VWC2L: variants seen among roughly 807,000 people sequenced by gnomAD.
The protein encoded by VWC2L is von Willebrand factor C domain-containing protein 2-like.
VWC2L carries 10 observed loss-of-function variants against 21.6 expected under a neutral mutation model. The observed-to-expected ratio is 0.46, with a 90% CI of 0.29 to 0.78. The LOEUF (loss-of-function observed/expected upper bound fraction) is 0.78. Among genes scored for constraint, VWC2L ranks in the 30% least tolerant of loss-of-function variants. The probability of loss-of-function intolerance (pLI) is 0.10; values close to 1 mark genes in which losing one functional copy is unlikely to be tolerated. For synonymous variants in VWC2L, 96 were observed against 94.3 expected, an observed-to-expected ratio of 1.02 and a Z score of -0.10; for missense variants, 209 against 277.1, an observed-to-expected ratio of 0.75 and a Z score of 1.74.
At position 214,414,115 on chromosome 2, in the gene VWC2L, C is replaced by T; in HGVS notation, c.-79C>T. 1 of 1,429,874 alleles carries T rather than the reference C, an allele frequency of 7.0e-7. No individual in the cohort carries two copies. The highest frequency in any genetic ancestry group is 9.5e-7 in the Non-Finnish European group (1 of 1,056,716). 88.6% of individuals were successfully genotyped at this position (1,429,874 alleles called of 1,614,324 possible). On this transcript the variant is annotated splice_region_variant and 5_prime_UTR_variant, in exon 2 of 4. Transcript: ENST00000312504. Reference sequence around the variant, plus strand: ...TTCTTTTTAAATATTTATTTTCAGCCTACCCCTCTTGTATTCCCATGGAAG... The same window carrying T: ...TTCTTTTTAAATATTTATTTTCAGCTTACCCCTCTTGTATTCCCATGGAAG...
intron 3 of VWC2L, among the ~76,000 whole-genome samples, chr2:214,551,278 A>C (rs1689790328): frequency 6.6e-6 from 1 of 152,238 alleles, no homozygotes; most frequent in Non-Finnish European, 1.5e-5. Context: ...GATAGGAAAG[A>C]ATATCGTTCT....
intron 2 of VWC2L, among the ~76,000 whole-genome samples, chr2:214,418,097 C>A (rs1277912134): frequency 6.6e-6 from 1 of 152,122 alleles, no homozygotes; most frequent in Non-Finnish European, 1.5e-5. Context: ...TACTGGACCA[C>A]TTCAAGGCTC....
At chr2:214,522,168 G>A (rs1689251234) in intron 3 of VWC2L, among the ~76,000 whole-genome samples, 1 of 152,088 alleles carries the variant, frequency 6.6e-6, no homozygotes, top group South Asian at 2.1e-4. Flanking sequence ...GAGGTCAGGA[G>A]ATCAAGACCA....
chr2:214,563,574 A>AAAAAAAAAAAAAAAAAAAAAAAAC (rs1690012447), intron 3 of VWC2L, among the ~76,000 whole-genome samples: 1 of 137,760 alleles, frequency 7.3e-6, no homozygotes, highest in Non-Finnish European at 1.6e-5. Context: ...AAAAAAAAAA[A>AAAAAAAAAAAAAAAAAAAAAAAAC]AAAAAAATCA....
intron 3 of VWC2L, among the ~76,000 whole-genome samples, chr2:214,567,966 G>A (rs1032738899): frequency 6.6e-6 from 1 of 152,152 alleles, no homozygotes; most frequent in African/African-American, 2.4e-5. Context: ...CTTCCTACAA[G>A]AGAAAACTGG....
At chr2:214,536,009 T>C (rs1689522819) in intron 3 of VWC2L, among the ~76,000 whole-genome samples, 1 of 152,074 alleles carries the variant, frequency 6.6e-6, no homozygotes, top group African/African-American at 2.4e-5. Flanking sequence ...CCACATCTCT[T>C]TTTGGCACAG....
At chr2:214,429,548 T>C (rs918913073) in intron 2 of VWC2L, among the ~76,000 whole-genome samples, 1 of 151,912 alleles carries the variant, frequency 6.6e-6, no homozygotes, top group African/African-American at 2.4e-5. Context: ...GTGCCTACTT[T>C]AAAAAAAATA....
chr2:214,562,686 T>C (rs1365533583), intron 3 of VWC2L, among the ~76,000 whole-genome samples: 1 of 152,246 alleles, frequency 6.6e-6, no homozygotes, highest in Non-Finnish European at 1.5e-5. Flanking sequence ...CTGACTGGCA[T>C]GAGATGGTTG....
chr2:214,415,054 T>C (rs1559283478), intron 2 of VWC2L: 1 of 158,814 alleles, frequency 6.3e-6, no homozygotes. Context: ...TTAGCTGTGG[T>C]CCTCATATTA....
At chr2:214,573,229 CTACACA>C (rs1306521986) in intron 3 of VWC2L, among the ~76,000 whole-genome samples, 4 of 152,084 alleles carry the variant, frequency 2.6e-5, no homozygotes, top group East Asian at 1.9e-4. Context: ...TAGCATGTCT[CTACACA>C]TACACATACA....
intron 3 of VWC2L, among the ~76,000 whole-genome samples, chr2:214,462,690 T>C (rs978359657): frequency 1.3e-5 from 2 of 152,186 alleles, no homozygotes; most frequent in Admixed American, 1.3e-4. Flanking sequence ...TACTTTGGGT[T>C]TAATTTCCTC....
At chr2:214,478,953 G>T (rs1383486154) in intron 3 of VWC2L, among the ~76,000 whole-genome samples, 1 of 152,136 alleles carries the variant, frequency 6.6e-6, no homozygotes, top group Non-Finnish European at 1.5e-5. Flanking sequence ...GCCTCATTAG[G>T]CTTGGGATTA....
intron 3 of VWC2L, among the ~76,000 whole-genome samples, chr2:214,499,738 T>G (rs1477966699): frequency 3.3e-5 from 5 of 152,230 alleles, no homozygotes; most frequent in African/African-American, 1.2e-4. Flanking sequence ...ATGCATTGAT[T>G]GATTCATTGG....
chr2:214,514,577 A>T (rs1190816871), intron 3 of VWC2L, among the ~76,000 whole-genome samples: 1 of 152,102 alleles, frequency 6.6e-6, no homozygotes, highest in Admixed American at 6.6e-5. Flanking sequence ...ACATTTTGCC[A>T]AGCAGACAGT....
At chr2:214,519,475 T>C (rs755191651) in intron 3 of VWC2L, among the ~76,000 whole-genome samples, 14 of 152,218 alleles carry the variant, frequency 9.2e-5, no homozygotes, top group Non-Finnish European at 2.1e-4. Context: ...TGACAGCTGT[T>C]CTTTGCCCAC....
At chr2:214,567,571 C>CAGAGAGAGAG (rs1559333772) in intron 3 of VWC2L, among the ~76,000 whole-genome samples, 1 of 141,290 alleles carries the variant, frequency 7.1e-6, no homozygotes, top group African/African-American at 2.7e-5. Context: ...CACACACACA[C>CAGAGAGAGAG]ACACACACAC....
chr2:214,471,759 A>T (rs1267250092), intron 3 of VWC2L, among the ~76,000 whole-genome samples: 1 of 152,204 alleles, frequency 6.6e-6, no homozygotes, highest in Non-Finnish European at 1.5e-5. Flanking sequence ...GAACATATTC[A>T]TAGGGTTCTA....
chr2:214,425,398 C>A (rs1009093284), intron 2 of VWC2L, among the ~76,000 whole-genome samples: 2 of 152,168 alleles, frequency 1.3e-5, no homozygotes, highest in African/African-American at 4.8e-5. Context: ...CAGGCATGTT[C>A]AATCCTATTT....
chr2:214,552,188 C>T (rs1039754291), intron 3 of VWC2L, among the ~76,000 whole-genome samples: 1 of 152,202 alleles, frequency 6.6e-6, no homozygotes, highest in Admixed American at 6.5e-5. Flanking sequence ...AACCTGCAAC[C>T]TTTCCTCACT....
Sources: allele counts gnomAD v4.1 joint callset (sites outside exome capture counted in the v4.1 genomes callset), GRCh38; gene constraint gnomAD v4.1.1; transcripts MANE v1.5; gene names NCBI Gene and HGNC (gene_info 2026-07-23, HGNC 2026-07-21).